The following KIF21A variants were observed in gnomAD, a reference collection of about 807,000 sequenced individuals.
KIF21A encodes kinesin family member 21A, also known as kinesin-like protein KIF21A.
Under a neutral mutation model 202.9 loss-of-function variants are expected in KIF21A, and 114 were observed. That is an observed-to-expected ratio of 0.56 (90% confidence interval 0.48 to 0.66). KIF21A has a LOEUF of 0.66. Ranked by LOEUF, KIF21A falls within the 30% of genes least tolerant of loss-of-function variation. KIF21A has a pLI of 0.00. For synonymous variants in KIF21A, 667 were observed against 670.8 expected, an observed-to-expected ratio of 0.99 and a Z score of 0.09; for missense variants, 1,677 against 1,994.9, an observed-to-expected ratio of 0.84 and a Z score of 3.04.
chr12:39,317,891 T>C (rs915180321), intron 29 of KIF21A, among the ~76,000 whole-genome samples, 182 bp downstream of exon 29: 2 of 152,146 alleles, frequency 1.3e-5, no homozygotes, highest in African/African-American at 4.8e-5. Context: ...AGCAGGAAAA[T>C]AATTTTCTCT....
chr12:39,442,804 G>T lies in KIF21A; in HGVS notation c.44+123C>A. On this transcript the variant is annotated intron_variant, in intron 1 of 37. Transcript: ENST00000361418. This position sits in a 1 kb window ranked among gnomAD's most constrained non-coding sequence, Gnocchi z 5.0. Reference sequence around the variant, plus strand: ...CACTGCCTCAGTTTCCTCAGCCGCAGAACCCGGCCGGGACGCCCCTCAGGT... The same window carrying T: ...CACTGCCTCAGTTTCCTCAGCCGCATAACCCGGCCGGGACGCCCCTCAGGT... The T allele has an allele frequency of 8.0e-7, 1 of 1,253,958 alleles. No individual in the cohort carries two copies. Among genetic ancestry groups the T allele is most frequent in the Non-Finnish European group, 1.1e-6 (1 of 908,220 alleles). The allele number at this position is 1,253,958 out of a possible 1,614,324, so 77.7% of individuals were successfully genotyped here. A position where few individuals can be genotyped will look rare whatever the true frequency, so the allele number is the denominator to read the frequency against.
intron 10 of KIF21A, among the ~76,000 whole-genome samples, chr12:39,355,566 G>A (rs1202801983): frequency 6.6e-6 from 1 of 151,540 alleles, no homozygotes; most frequent in Non-Finnish European, 1.5e-5. Context: ...AGGAAAGACT[G>A]GTCAAAGAAC....
intron 27 of KIF21A, 126 bp from the exon 28 acceptor site, chr12:39,320,139 C>A: frequency 3.2e-6 from 2 of 621,772 alleles, no homozygotes; most frequent in Admixed American, 2.9e-5. Context: ...TACTTGAGAA[C>A]AAAAAATAAA....
chr12:39,346,127 G>GT (rs1418397229), intron 12 of KIF21A, among the ~76,000 whole-genome samples: 11 of 151,916 alleles, frequency 7.2e-5, no homozygotes, highest in African/African-American at 9.6e-5. Context: ...AATTACTGTT[G>GT]TTTTTTCTTT....
At chr12:39,357,173 G>T in intron 9 of KIF21A, 75 bp downstream of exon 9, 2 of 1,249,724 alleles carry the variant, frequency 1.6e-6, no homozygotes, top group Non-Finnish European at 2.4e-6. Context: ...ACTATGCTAG[G>T]TAATTAGTGA....
chr12:39,387,131 C>T (rs982357324), intron 1 of KIF21A, among the ~76,000 whole-genome samples: 6 of 148,528 alleles, frequency 4.0e-5, no homozygotes, highest in Non-Finnish European at 7.4e-5. Flanking sequence ...AGGCAGAAAA[C>T]TCAATGAGTT....
intron 1 of KIF21A, among the ~76,000 whole-genome samples, chr12:39,383,907 TAGAC>T (rs1289784564): frequency 2.0e-5 from 3 of 152,334 alleles, no homozygotes; most frequent in East Asian, 1.9e-4. Context: ...TTACTGTAAA[TAGAC>T]AGTTTTAAAA....
intron 8 of KIF21A, among the ~76,000 whole-genome samples, chr12:39,357,689 C>T (rs201524915): frequency 6.6e-6 from 1 of 151,616 alleles, no homozygotes; most frequent in Non-Finnish European, 1.5e-5. Flanking sequence ...GTGGGCAGAT[C>T]ACGTGAGGTC....
chr12:39,424,693 C>A (rs1437792155), intron 1 of KIF21A, among the ~76,000 whole-genome samples: 2 of 152,186 alleles, frequency 1.3e-5, no homozygotes, highest in Non-Finnish European at 2.9e-5. Context: ...AGCTCTATCT[C>A]CCCAAATCTA....
intron 1 of KIF21A, among the ~76,000 whole-genome samples, chr12:39,428,571 T>A (rs995653697): frequency 6.6e-6 from 1 of 152,206 alleles, no homozygotes; most frequent in Non-Finnish European, 1.5e-5. Flanking sequence ...TTTTATAATA[T>A]GCAATGTGAC....
At chr12:39,374,660 T>TAA (rs550136502) in intron 1 of KIF21A, among the ~76,000 whole-genome samples, 29 of 151,834 alleles carry the variant, frequency 1.9e-4, no homozygotes, top group African/African-American at 5.8e-4. Context: ...CTACACTAGG[T>TAA]AAAAAAAAGA....
intron 34 of KIF21A, among the ~76,000 whole-genome samples, chr12:39,306,245 A>G (rs1000082874): frequency 6.6e-6 from 1 of 152,238 alleles, no homozygotes; most frequent in African/African-American, 2.4e-5. Context: ...CAGGTCTCCA[A>G]GAGTCAAACC....
At chr12:39,359,600 T>C (rs760423876) in intron 7 of KIF21A, among the ~76,000 whole-genome samples, 9 of 152,194 alleles carry the variant, frequency 5.9e-5, no homozygotes, top group Non-Finnish European at 1.3e-4. Flanking sequence ...TTTTCTCTTT[T>C]GATAAAGAAA....
intron 11 of KIF21A, among the ~76,000 whole-genome samples, chr12:39,350,729 A>G (rs1452367783): frequency 1.3e-5 from 2 of 152,044 alleles, no homozygotes; most frequent in Non-Finnish European, 2.9e-5. Context: ...CCTACTAACC[A>G]TAATGTATAA....
intron 1 of KIF21A, among the ~76,000 whole-genome samples, chr12:39,425,824 T>C (rs1478539770): frequency 6.6e-6 from 1 of 151,524 alleles, no homozygotes; most frequent in Non-Finnish European, 1.5e-5. Context: ...CAAGCAAGTC[T>C]CCTAATGTCA....
Position 39,337,207 on chromosome 12 carries a change from A to T in KIF21A, c.2311-4T>A, listed in dbSNP as rs1947055283. 6.4e-7 allele frequency: 1 copy of T among 1,568,648 alleles called. No individual in the cohort carries two copies. The highest frequency in any genetic ancestry group is 1.1e-5 in the South Asian group (1 of 90,120). On this transcript the variant is annotated splice_polypyrimidine_tract_variant and splice_region_variant and intron_variant, in intron 16 of 37. Coordinates refer to ENST00000361418, the MANE Select transcript of KIF21A (RefSeq NM_001173464.2). Reference sequence around the variant, plus strand: ...TCATTTGTTTCATTAGGCGAACCTAACCAATTAGGTATAGACATCTATTGA... The same window carrying T: ...TCATTTGTTTCATTAGGCGAACCTATCCAATTAGGTATAGACATCTATTGA...
At chr12:39,420,147 G>A (rs903035236) in intron 1 of KIF21A, among the ~76,000 whole-genome samples, 3 of 150,800 alleles carry the variant, frequency 2.0e-5, no homozygotes, top group Non-Finnish European at 2.9e-5. Context: ...GCTGTTTGAC[G>A]AGTCACAGAT....
chr12:39,411,263 T>C (rs1010611019), intron 1 of KIF21A, among the ~76,000 whole-genome samples: 1 of 152,214 alleles, frequency 6.6e-6, no homozygotes, highest in African/African-American at 2.4e-5. Context: ...ATATAATCTA[T>C]ACCTTATAGC....
intron 7 of KIF21A, among the ~76,000 whole-genome samples, 161 bp downstream of exon 7, chr12:39,362,937 A>ACAAAATTAT (rs1949342322): frequency 2.6e-5 from 4 of 152,216 alleles, no homozygotes; most frequent in Admixed American, 2.6e-4. Context: ...GAAATAACAT[A>ACAAAATTAT]CAAAATTATT....
Sources: gnomAD v4.1 joint callset for allele counts (sites outside exome capture counted in the v4.1 genomes callset) on GRCh38, gnomAD v4.1.1 for gene constraint, Gnocchi (gnomAD v3.1) non-coding constraint, MANE v1.5 for transcripts, NCBI Gene and HGNC (gene_info 2026-07-23, HGNC 2026-07-21) for gene names.